The following GABRB3 variants were observed in gnomAD, a reference collection of about 807,000 sequenced individuals.
GABRB3 encodes the protein gamma-aminobutyric acid type A receptor subunit beta3.
A neutral mutation model predicts 52.1 loss-of-function variants in GABRB3; 14 were observed. The observed-to-expected ratio is 0.27, with a 90% CI of 0.18 to 0.42. The LOEUF (loss-of-function observed/expected upper bound fraction) is 0.42, where lower values mean the gene tolerates loss of function less well. Among genes scored for constraint, GABRB3 ranks in the 10% least tolerant of loss-of-function variants. The probability of loss-of-function intolerance (pLI) is 1.00; values close to 1 mark genes in which losing one functional copy is unlikely to be tolerated. For missense variants in GABRB3, 307 were observed against 609.1 expected, an observed-to-expected ratio of 0.50 and a Z score of 5.22; for synonymous variants, 260 against 232.3, an observed-to-expected ratio of 1.12 and a Z score of -1.08.
At chr15:26,579,821 G>A (rs1890722980) in intron 6 of GABRB3, among the ~76,000 whole-genome samples, 1 of 152,176 alleles carries the variant, frequency 6.6e-6, no homozygotes, top group Non-Finnish European at 1.5e-5. Context: ...ACCTTCATCA[G>A]GTAACATCAG....
intron 3 of GABRB3, among the ~76,000 whole-genome samples, chr15:26,697,089 T>A (rs1208896550): frequency 6.6e-6 from 1 of 152,240 alleles, no homozygotes; most frequent in African/African-American, 2.4e-5. Flanking sequence ...CTCTTCTGGC[T>A]ACTTCCACCT....
chr15:26,655,213 T>C (rs1017360195), intron 3 of GABRB3, among the ~76,000 whole-genome samples: 3 of 152,184 alleles, frequency 2.0e-5, no homozygotes, highest in African/African-American at 2.4e-5. Context: ...TGCTTCACAT[T>C]ATGTAAAATT....
At chr15:26,565,923 T>C (rs1443098369) in intron 7 of GABRB3, among the ~76,000 whole-genome samples, 1 of 152,218 alleles carries the variant, frequency 6.6e-6, no homozygotes, top group Non-Finnish European at 1.5e-5. Flanking sequence ...ATATTATTTT[T>C]CTTAAAAGGG....
chr15:26,600,998 A>C (rs1891565144), intron 4 of GABRB3, among the ~76,000 whole-genome samples: 3 of 152,312 alleles, frequency 2.0e-5, no homozygotes, highest in Middle Eastern at 6.8e-3. Context: ...GGGGGAGTAA[A>C]AGTGTACAGT....
intron 3 of GABRB3, among the ~76,000 whole-genome samples, chr15:26,706,005 T>C (rs2140123979): frequency 6.6e-6 from 1 of 152,294 alleles, no homozygotes; most frequent in African/African-American, 2.4e-5. Context: ...TCATGCAATA[T>C]ACCCTTGTAA....
At chr15:26,580,525 T>G in intron 5 of GABRB3, 69 bp from the exon 6 acceptor site, 1 of 1,594,534 alleles carries the variant, frequency 6.3e-7, no homozygotes, top group African/African-American at 1.3e-5. Flanking sequence ...AAATAAACTA[T>G]CATTAACATG....
chr15:26,579,313 G>A (rs7162548), intron 6 of GABRB3, among the ~76,000 whole-genome samples: 114,230 of 152,114 alleles, frequency 0.75, 46,792 homozygotes, highest in East Asian at 0.96. Context: ...GTACTGCCCT[G>A]TGGAGATGCA....
intron 3 of GABRB3, among the ~76,000 whole-genome samples, chr15:26,689,700 G>A (rs1341199858): frequency 6.6e-6 from 1 of 151,998 alleles, no homozygotes; most frequent in Non-Finnish European, 1.5e-5. Context: ...ACTCTGTGCT[G>A]GGTGGTCCCC....
chr15:26,768,397 C>G (rs1176931049), intron 3 of GABRB3, among the ~76,000 whole-genome samples: 1 of 152,130 alleles, frequency 6.6e-6, no homozygotes, highest in Non-Finnish European at 1.5e-5. Context: ...TCCAAATTAA[C>G]AGATCAAACA....
chr15:26,765,413 C>T (rs1310989102), intron 3 of GABRB3, among the ~76,000 whole-genome samples: 1 of 152,140 alleles, frequency 6.6e-6, no homozygotes, highest in Non-Finnish European at 1.5e-5. Flanking sequence ...TAATTGGGTA[C>T]AATCACACAA....
At chr15:26,549,044 T>G (rs143605614) in intron 8 of GABRB3, among the ~76,000 whole-genome samples, 81 of 152,270 alleles carry the variant, frequency 5.3e-4, no homozygotes, top group South Asian at 1.0e-3. Context: ...CTTCCCTTTC[T>G]TTGCCTGGAG....
chr15:26,606,842 A>ATAGC lies in GABRB3; in HGVS notation c.461+14471_461+14472insGCTA, dbSNP rs1402693074. Among the ~76,000 whole-genome samples, 202 of 147,348 alleles carry ATAGC rather than the reference A, an allele frequency of 1.4e-3. 4 individuals are homozygous for ATAGC. In the East Asian group the frequency reaches 0.028, roughly 20 times the overall value. On this transcript the variant is annotated intron_variant, in intron 4 of 8. Transcript: ENST00000311550. ...GATAGATAGATAGATAGATAGATAG[A>ATAGC]TATGGTTAAAGCAAACTAAATATGG...
At chr15:26,582,330 C>T (rs1326079943) in intron 5 of GABRB3, among the ~76,000 whole-genome samples, 1 of 152,196 alleles carries the variant, frequency 6.6e-6, no homozygotes, top group Non-Finnish European at 1.5e-5. Flanking sequence ...TGGAGTTGTG[C>T]CCTCACTGGA....
intron 3 of GABRB3, among the ~76,000 whole-genome samples, chr15:26,630,571 AAG>A (rs2140558080): frequency 6.6e-6 from 1 of 152,382 alleles, no homozygotes; most frequent in East Asian, 1.9e-4. Flanking sequence ...ATATTCGAGT[AAG>A]AGTTGCATTC....
chr15:26,722,115 CCTT>C (rs1255715009), intron 3 of GABRB3, among the ~76,000 whole-genome samples: 1 of 152,110 alleles, frequency 6.6e-6, no homozygotes, highest in Non-Finnish European at 1.5e-5. Flanking sequence ...CACCTAATTT[CCTT>C]CTTTTCTCTT....
At chr15:26,552,584 G>GAGT (rs1369006449) in intron 8 of GABRB3, among the ~76,000 whole-genome samples, 4 of 152,182 alleles carry the variant, frequency 2.6e-5, no homozygotes, top group African/African-American at 9.7e-5. Flanking sequence ...TCCTGCCCAA[G>GAGT]AGTAGTCATT....
chr15:26,666,085 C>G (rs1049712546), intron 3 of GABRB3, among the ~76,000 whole-genome samples: 1 of 152,188 alleles, frequency 6.6e-6, no homozygotes, highest in East Asian at 1.9e-4. Context: ...CCTGAAGCCA[C>G]TGTCTAAAGG....
intron 8 of GABRB3, among the ~76,000 whole-genome samples, chr15:26,554,014 T>G (rs1296403575): frequency 1.0e-5 from 1 of 96,594 alleles, no homozygotes; most frequent in Non-Finnish European, 2.0e-5. Flanking sequence ...AGCTGACACC[T>G]GACTATTTAT....
In GABRB3 at chr15:26,543,728, T is replaced by G. The variant is rs546261064; in HGVS notation, c.*4065A>C. ...AATAAAATGAAATCAACATGAGAATTGATTATGACAGCAATCGCCTATTCC... is the reference window on the plus strand; with the variant it reads ...AATAAAATGAAATCAACATGAGAATGGATTATGACAGCAATCGCCTATTCC... On this transcript the variant is annotated 3_prime_UTR_variant, in exon 9 of 9. Coordinates refer to ENST00000311550, the MANE Select transcript of GABRB3 (RefSeq NM_000814.6). The G allele has an allele frequency of 8.5e-5, 13 of 152,746 alleles. No individual in the cohort carries two copies. Among genetic ancestry groups the G allele is most frequent in the African/African-American group, 2.6e-4 (11 of 41,564 alleles). The allele number at this position is 152,746 out of a possible 1,614,324, so 9.5% of individuals were successfully genotyped here.
Sources: allele counts gnomAD v4.1 joint callset (sites outside exome capture counted in the v4.1 genomes callset), GRCh38; gene constraint gnomAD v4.1.1; transcripts MANE v1.5; gene names NCBI Gene and HGNC (gene_info 2026-07-23, HGNC 2026-07-21).